SBF2: variants seen among roughly 807,000 people sequenced by gnomAD.
SBF2 encodes SET binding factor 2, also known as myotubularin-related protein 13.
In SBF2, 112 loss-of-function variants were observed where a neutral mutation model predicts 225.2. The observed-to-expected ratio is 0.50, with a 90% confidence interval of 0.43 to 0.58. The LOEUF is 0.58. SBF2 is among the 20% of genes least tolerant of loss of function. SBF2 has a pLI of 0.00. For missense variants in SBF2, 1,996 were observed against 2,206.2 expected (o/e 0.90, Z 1.91); for synonymous variants, 763 against 773.3 (o/e 0.99, Z 0.22).
At chr11:9,928,731 AGTAACTG>A (rs1055220133) in intron 16 of SBF2, among the ~76,000 whole-genome samples, 5 of 152,330 alleles carry the variant, frequency 3.3e-5, no homozygotes, top group Middle Eastern at 3.4e-3. Flanking sequence ...GATAAGCAAA[AGTAACTG>A]AGGTATTTGC....
intron 2 of SBF2, among the ~76,000 whole-genome samples, chr11:10,181,370 A>T (rs78801376): frequency 0.095 from 14,471 of 152,068 alleles, 935 homozygotes; most frequent in East Asian, 0.28. Flanking sequence ...AGAAATAAAT[A>T]TAACTTACCT....
At chr11:10,098,415 G>A (rs1218834953) in intron 2 of SBF2, among the ~76,000 whole-genome samples, 2 of 151,192 alleles carry the variant, frequency 1.3e-5, no homozygotes, top group Non-Finnish European at 2.9e-5. Context: ...TCACTACAGA[G>A]CAAAGAAGAT....
intron 1 of SBF2, among the ~76,000 whole-genome samples, chr11:10,217,611 T>C: frequency 6.6e-6 from 1 of 152,202 alleles, no homozygotes. Context: ...TGTTCACTGC[T>C]ACAAGTCAGA....
chr11:10,040,107 T>C (rs1442311290), intron 3 of SBF2, among the ~76,000 whole-genome samples: 2 of 152,012 alleles, frequency 1.3e-5, no homozygotes, highest in African/African-American at 2.4e-5. Context: ...CATTAGTAAA[T>C]GCTGAAATCT....
chr11:9,786,235 G>A (rs998972805), intron 36 of SBF2, among the ~76,000 whole-genome samples: 1 of 152,200 alleles, frequency 6.6e-6, no homozygotes, highest in Non-Finnish European at 1.5e-5. Flanking sequence ...GTTTAAAATA[G>A]TATGTCTAGA....
In SBF2 at chr11:9,998,247, T is replaced by C. The variant is rs770797254; in HGVS notation, c.975+19A>G. The C allele has an allele frequency of 1.5e-6, 2 of 1,372,676 alleles. No individual in the cohort carries two copies. The highest frequency in any genetic ancestry group is 1.2e-5 in the South Asian group (1 of 84,950). 85.0% of individuals were successfully genotyped at this position (1,372,676 alleles called of 1,614,324 possible). On this transcript the variant is annotated intron_variant, in intron 9 of 39. Coordinates refer to ENST00000256190, the MANE Select transcript of SBF2 (RefSeq NM_030962.4). ...GATTTAAATAAAGAGAAAGTTACTA[T>C]TACAAAAATATGTCATACCAAAGAA... is the stretch of plus-strand genomic sequence containing the variant.
At chr11:9,929,032 G>A in intron 16 of SBF2, 1 of 459,082 alleles carries the variant, frequency 2.2e-6, no homozygotes, top group South Asian at 1.8e-5. Context: ...ACAGTGCAGT[G>A]CTTGTTCAAG....
intron 2 of SBF2, among the ~76,000 whole-genome samples, chr11:10,184,915 A>G (rs1208066550): frequency 6.6e-6 from 1 of 152,062 alleles, no homozygotes; most frequent in African/African-American, 2.4e-5. Context: ...TTTAGTAGAG[A>G]CGGGGTTTCA....
rs1964177035 is a variant in SBF2, at chr11:10,291,803, T to G, written c.55+2212A>C. Among the ~76,000 whole-genome samples the G allele has an allele frequency of 3.9e-5, 6 of 152,302 alleles. No homozygotes were observed. The South Asian group carries it at 1.2e-3, about 32-fold the overall frequency. ...AAACAATTAAGTATTAACTTTACAG[T>G]GGAGAAGCCTCGCAGATATTACTTA... On this transcript the variant is annotated intron_variant, in intron 1 of 39. Coordinates refer to ENST00000256190, the MANE Select transcript of SBF2 (RefSeq NM_030962.4).
At chr11:10,053,439 T>A (rs1950130773) in intron 2 of SBF2, among the ~76,000 whole-genome samples, 1 of 152,176 alleles carries the variant, frequency 6.6e-6, no homozygotes, top group Non-Finnish European at 1.5e-5. Context: ...AGAAAAGAAG[T>A]GATAACAAAG....
intron 21 of SBF2, among the ~76,000 whole-genome samples, chr11:9,851,973 A>G (rs1409833179): frequency 6.6e-6 from 1 of 152,158 alleles, no homozygotes; most frequent in East Asian, 1.9e-4. Context: ...GGGTTTCATC[A>G]TGTTGCCCAG....
At chr11:10,226,427 C>G (rs777058683) in intron 1 of SBF2, among the ~76,000 whole-genome samples, 9 of 151,418 alleles carry the variant, frequency 5.9e-5, no homozygotes, top group Non-Finnish European at 1.0e-4. Flanking sequence ...TGTGCTGCAC[C>G]CATCAACTCG....
chr11:9,893,298 T>C (rs1209130586), intron 17 of SBF2, among the ~76,000 whole-genome samples: 1 of 152,174 alleles, frequency 6.6e-6, no homozygotes. Context: ...ATTTAGAAAA[T>C]ATCCGAGAAT....
chr11:10,057,261 C>T (rs1950287830), intron 2 of SBF2, among the ~76,000 whole-genome samples: 1 of 152,176 alleles, frequency 6.6e-6, no homozygotes, highest in African/African-American at 2.4e-5. Flanking sequence ...AGCCTCCAGC[C>T]ACCCCCTGCC....
intron 16 of SBF2, among the ~76,000 whole-genome samples, chr11:9,924,368 A>C (rs1383540289): frequency 6.6e-6 from 1 of 152,188 alleles, no homozygotes; most frequent in Admixed American, 6.5e-5. Flanking sequence ...GAGCATGTTT[A>C]AAGTATGCTA....
At chr11:10,151,508 C>T (rs914518975) in intron 2 of SBF2, among the ~76,000 whole-genome samples, 3 of 152,126 alleles carry the variant, frequency 2.0e-5, no homozygotes, top group African/African-American at 2.4e-5. Flanking sequence ...CCTTATAGAT[C>T]GCAAAGTATA....
intron 2 of SBF2, among the ~76,000 whole-genome samples, chr11:10,187,958 G>T (rs1957002128): frequency 6.6e-6 from 1 of 152,108 alleles, no homozygotes; most frequent in Non-Finnish European, 1.5e-5. Context: ...ACAACAAATT[G>T]TAACATTACA....
Position 10,186,138 on chromosome 11 carries a change from G to C in SBF2, c.141+7764C>G, listed in dbSNP as rs756329441. ...AAAAAGATATTTATATTTACCACTTGATTATAAAGGATACAACTAAGAAAC... is the reference window on the plus strand; with the variant it reads ...AAAAAGATATTTATATTTACCACTTCATTATAAAGGATACAACTAAGAAAC... On this transcript the variant is annotated intron_variant, in intron 2 of 39. Transcript: ENST00000256190. Among the ~76,000 whole-genome samples the C allele has an allele frequency of 3.7e-4, 56 of 152,166 alleles. 1 individual carries two copies. Among genetic ancestry groups the C allele is most frequent in the Non-Finnish European group, 5.9e-4 (40 of 68,034 alleles).
At chr11:9,881,005 G>A (rs1381577568) in intron 17 of SBF2, among the ~76,000 whole-genome samples, 1 of 152,148 alleles carries the variant, frequency 6.6e-6, no homozygotes, top group Non-Finnish European at 1.5e-5. Context: ...GCCTACAGAA[G>A]ACTCTGGCAA....
Sources: gnomAD v4.1 joint callset for allele counts (sites outside exome capture counted in the v4.1 genomes callset) on GRCh38, gnomAD v4.1.1 for gene constraint, MANE v1.5 for transcripts, NCBI Gene and HGNC (gene_info 2026-07-23, HGNC 2026-07-21) for gene names.